The following CCDC6 variants were observed in gnomAD, a reference collection of about 807,000 sequenced individuals.
CCDC6 encodes coiled-coil domain containing 6, also known as coiled-coil domain-containing protein 6.
CCDC6 carries 20 observed loss-of-function variants against 56.6 expected under a neutral mutation model. The observed-to-expected ratio is 0.35, with a 90% CI of 0.25 to 0.51. The LOEUF is 0.51. Among genes scored for constraint, CCDC6 ranks in the 20% least tolerant of loss-of-function variants. The pLI, the probability that CCDC6 is intolerant of heterozygous loss-of-function variation, is 0.95. For missense variants in CCDC6, 367 were observed against 601.1 expected, an observed-to-expected ratio of 0.61 and a Z score of 4.07; for synonymous variants, 241 against 234.4, an observed-to-expected ratio of 1.03 and a Z score of -0.26.
intron 3 of CCDC6, among the ~76,000 whole-genome samples, chr10:59,830,891 G>C (rs909892377): frequency 6.6e-6 from 1 of 152,206 alleles, no homozygotes; most frequent in Non-Finnish European, 1.5e-5. Flanking sequence ...ACAAATACCA[G>C]AGAGAAGCTA....
chr10:59,892,902 G>A (rs577718668), intron 1 of CCDC6, among the ~76,000 whole-genome samples: 37 of 151,868 alleles, frequency 2.4e-4, no homozygotes, highest in African/African-American at 8.7e-4. Flanking sequence ...CTCCTTTCAC[G>A]TCATCCCGCT....
intron 2 of CCDC6, among the ~76,000 whole-genome samples, chr10:59,842,101 G>A (rs1369539569): frequency 1.3e-5 from 2 of 151,904 alleles, no homozygotes; most frequent in African/African-American, 2.4e-5. Context: ...AGAGTGCAGT[G>A]GTACGATCTT....
chr10:59,797,114 C>A (rs1445584763), intron 7 of CCDC6, among the ~76,000 whole-genome samples: 1 of 152,030 alleles, frequency 6.6e-6, no homozygotes, highest in African/African-American at 2.4e-5. Flanking sequence ...CATATATTAA[C>A]CTCGAGAATA....
chr10:59,877,315 C>T (rs1402988743), intron 1 of CCDC6, among the ~76,000 whole-genome samples: 1 of 152,176 alleles, frequency 6.6e-6, no homozygotes, highest in East Asian at 1.9e-4. Context: ...AGTAGGATGT[C>T]TGCGATCATC....
intron 7 of CCDC6, among the ~76,000 whole-genome samples, chr10:59,803,784 TG>T (rs2070596285): frequency 6.6e-6 from 1 of 152,238 alleles, no homozygotes; most frequent in Non-Finnish European, 1.5e-5. Flanking sequence ...AGAAGCAGGC[TG>T]CCTGACAGAA....
chr10:59,833,313 G>T (rs899440338), intron 2 of CCDC6, among the ~76,000 whole-genome samples: 8 of 152,126 alleles, frequency 5.3e-5, no homozygotes, highest in Non-Finnish European at 2.9e-5. Context: ...GCTGGGCGTG[G>T]TGACAGGCAC....
intron 2 of CCDC6, among the ~76,000 whole-genome samples, chr10:59,841,675 G>GT (rs1554884674): frequency 0.018 from 2,486 of 138,516 alleles, 38 homozygotes; most frequent in East Asian, 0.043. Flanking sequence ...TTTTTTGTTT[G>GT]TTTTTTTTTT....
chr10:59,882,677 C>T (rs116919306), intron 1 of CCDC6, among the ~76,000 whole-genome samples: 84 of 147,198 alleles, frequency 5.7e-4, no homozygotes, highest in Middle Eastern at 3.7e-3. Context: ...ATTAGTGAAA[C>T]TGGCCAGGAG....
rs968625771 is a variant in CCDC6, at chr10:59,906,541, GC to G, written c.-118del. 24 of 849,140 alleles carry G rather than the reference GC, an allele frequency of 2.8e-5. No homozygotes were observed. In the Admixed American group the frequency reaches 3.9e-4, roughly 14 times the overall value. The allele number at this position is 849,140 out of a possible 1,614,324, so 52.6% of individuals were successfully genotyped here. On this transcript the variant is annotated 5_prime_UTR_variant, in exon 1 of 9. Coordinates refer to ENST00000263102, the MANE Select transcript of CCDC6 (RefSeq NM_005436.5). ...AGGGGAGCGCCGAGCTGAGCGCCTG[GC>G]ACCAGGGCGCAGACTCGGAGCGGCG...
rs1429582951 is a variant in CCDC6, at chr10:59,793,046, G to A, written c.1296C>T (p.Pro432=). The part of the protein sequence containing the change: ...KFKRPTPPPS[P]NTQTPVQPPP... ...GTGGCTGGACTGGGGTCTGTGTGTT[G>A]GGAGATGGAGGCGGCGTGGGCCGTT... The change falls in exon 9 of 9, where the codon CCC becomes CCT. Residue 432 remains proline (P), a synonymous_variant. Transcript: ENST00000263102. The A allele has an allele frequency of 6.2e-7, 1 of 1,613,990 alleles. No homozygotes were observed. Among genetic ancestry groups the A allele is most frequent in the Non-Finnish European group, 8.5e-7 (1 of 1,179,852 alleles).
chr10:59,862,521 A>ATG (rs2071140151), intron 1 of CCDC6, among the ~76,000 whole-genome samples: 1 of 85,018 alleles, frequency 1.2e-5, no homozygotes, highest in African/African-American at 9.6e-5. Context: ...ATATATACAC[A>ATG]CACACACACA....
intron 1 of CCDC6, among the ~76,000 whole-genome samples, chr10:59,862,134 A>G (rs779702751): frequency 1.3e-5 from 2 of 152,172 alleles, no homozygotes; most frequent in Admixed American, 6.5e-5. Flanking sequence ...AAGGATACTT[A>G]TAATACATTG....
chr10:59,860,576 G>A (rs1300185832), intron 1 of CCDC6, among the ~76,000 whole-genome samples: 1 of 152,064 alleles, frequency 6.6e-6, no homozygotes, highest in Non-Finnish European at 1.5e-5. Context: ...GAGGAAAGTG[G>A]GGCACTCCAG....
intron 2 of CCDC6, among the ~76,000 whole-genome samples, chr10:59,851,131 G>GGAAA (rs745765424): frequency 8.6e-5 from 4 of 46,758 alleles, no homozygotes; most frequent in East Asian, 7.7e-4. Flanking sequence ...CATGTAAATT[G>GGAAA]AAAAAAAAAA....
intron 1 of CCDC6, among the ~76,000 whole-genome samples, chr10:59,876,287 G>T (rs1190004744): frequency 6.6e-6 from 1 of 151,716 alleles, no homozygotes; most frequent in East Asian, 1.9e-4. Context: ...GACCTCAGGC[G>T]ATCCACCCGC....
intron 7 of CCDC6, among the ~76,000 whole-genome samples, chr10:59,800,328 C>T (rs1003105796): frequency 3.9e-5 from 6 of 152,212 alleles, no homozygotes; most frequent in South Asian, 4.1e-4. Context: ...CTACTCTTAA[C>T]GCATCCTAGC....
intron 1 of CCDC6, among the ~76,000 whole-genome samples, chr10:59,858,661 A>G (rs989557069): frequency 6.6e-6 from 1 of 152,248 alleles, no homozygotes; most frequent in Non-Finnish European, 1.5e-5. Flanking sequence ...GCACATGACT[A>G]GAACACAGCT....
At chr10:59,902,690 G>A (rs927723360) in intron 1 of CCDC6, among the ~76,000 whole-genome samples, 34 of 152,242 alleles carry the variant, frequency 2.2e-4, no homozygotes, top group African/African-American at 6.0e-4. Flanking sequence ...ATGAGCCACC[G>A]CGCCCGGCCC....
chr10:59,831,554 T>C (rs1371883201), intron 3 of CCDC6, among the ~76,000 whole-genome samples: 1 of 152,178 alleles, frequency 6.6e-6, no homozygotes. Context: ...ACAACTTTAA[T>C]GAGGCTTAGC....
Sources: allele counts gnomAD v4.1 joint callset (sites outside exome capture counted in the v4.1 genomes callset), GRCh38; gene constraint gnomAD v4.1.1; transcripts MANE v1.5; gene names NCBI Gene and HGNC (gene_info 2026-07-23, HGNC 2026-07-21).